The following CCDC171 variants were observed in gnomAD, a reference collection of about 807,000 sequenced individuals.
The protein encoded by CCDC171 is coiled-coil domain containing 171.
CCDC171 carries 177 observed loss-of-function variants against 168.2 expected under a neutral mutation model. That is an observed-to-expected ratio of 1.05 (90% CI 0.93 to 1.19). The LOEUF (loss-of-function observed/expected upper bound fraction) is 1.19, where lower values mean the gene tolerates loss of function less well. Ranked by LOEUF, CCDC171 falls within the 50% of genes most tolerant of loss-of-function variation. The probability of loss-of-function intolerance (pLI) is 0.00; values close to 1 mark genes in which losing one functional copy is unlikely to be tolerated. For missense variants in CCDC171, 1,991 were observed against 1,539.0 expected, an observed-to-expected ratio of 1.29 and a Z score of -4.91; for synonymous variants, 687 against 540.8, an observed-to-expected ratio of 1.27 and a Z score of -3.75.
intron 21 of CCDC171, among the ~76,000 whole-genome samples, chr9:15,800,367 A>G (rs1004136132): frequency 1.3e-5 from 2 of 152,118 alleles, no homozygotes; most frequent in African/African-American, 4.8e-5. Flanking sequence ...ATGATCAATG[A>G]TGTTGAGCAC....
At chr9:15,978,332 A>G (rs762349546), downstream of CCDC171, among the ~76,000 whole-genome samples, 2 of 152,038 alleles carry the variant, frequency 1.3e-5, no homozygotes, top group Non-Finnish European at 2.9e-5. Context: ...CTAATAACGA[A>G]TGGTGGCGGT....
At chr9:15,995,210 T>G (rs1222309563) in intron 3 of CCDC171, among the ~76,000 whole-genome samples, 1 of 152,168 alleles carries the variant, frequency 6.6e-6, no homozygotes, top group Admixed American at 6.5e-5. Context: ...GAAGTAACAT[T>G]TGGGGGAAAG....
the CCDC171 span, among the ~76,000 whole-genome samples, chr9:16,106,941 G>A: frequency 8.7e-4 from 132 of 152,144 alleles, no homozygotes; most frequent in African/African-American, 1.9e-3. Flanking sequence ...CTGCAAAACC[G>A]GGGGACCCAG....
rs368607597 is a variant in CCDC171 at position 15,848,955 on chromosome 9, T to A, written c.3468+8T>A. The A allele has an allele frequency of 6.1e-6, 9 of 1,472,328 alleles. No homozygotes were observed. The highest frequency in any genetic ancestry group is 8.3e-6 in the Non-Finnish European group (9 of 1,080,324). 91.2% of individuals were successfully genotyped at this position (1,472,328 alleles called of 1,614,324 possible). A position where few individuals can be genotyped will look rare whatever the true frequency, so the allele number is the denominator to read the frequency against. On this transcript the variant is annotated splice_region_variant and intron_variant, in intron 23 of 25. Coordinates refer to ENST00000380701, the MANE Select transcript of CCDC171 (RefSeq NM_173550.4). The stretch of plus-strand genomic sequence containing the variant: ...GAAAATACGCTTCACAAGGTACTGT[T>A]ATTTTTCTTTAATATTGTTCAATTT...
chr9:15,615,381 T>C (rs1201083823), intron 6 of CCDC171, among the ~76,000 whole-genome samples: 1 of 152,176 alleles, frequency 6.6e-6, no homozygotes, highest in African/African-American at 2.4e-5. Context: ...TGTGTTTGTA[T>C]GTGTCTATAT....
intron 25 of CCDC171, among the ~76,000 whole-genome samples, chr9:15,959,621 A>T (rs1035519981): frequency 2.0e-5 from 3 of 152,176 alleles, no homozygotes; most frequent in Non-Finnish European, 4.4e-5. Flanking sequence ...CGCAGACTGC[A>T]TTTCAAACAA....
chr9:16,001,246 T>G (rs1348251508), intron 3 of CCDC171, among the ~76,000 whole-genome samples: 1 of 152,126 alleles, frequency 6.6e-6, no homozygotes, highest in Non-Finnish European at 1.5e-5. Context: ...TTTCATGCCC[T>G]TCTGAAAAAA....
At chr9:15,924,806 A>G (rs1825717720) in intron 25 of CCDC171, among the ~76,000 whole-genome samples, 1 of 151,536 alleles carries the variant, frequency 6.6e-6, no homozygotes, top group South Asian at 2.1e-4. Context: ...AAAGTCACCA[A>G]TAATTTTATG....
At chr9:16,008,275 A>G (rs1335682186) in intron 3 of CCDC171, among the ~76,000 whole-genome samples, 1 of 152,116 alleles carries the variant, frequency 6.6e-6, no homozygotes, top group African/African-American at 2.4e-5. Flanking sequence ...TAAGAGTTCA[A>G]TTTCAATCTT....
At chr9:15,645,052 G>C (rs551019798) in intron 7 of CCDC171, among the ~76,000 whole-genome samples, 1 of 152,350 alleles carries the variant, frequency 6.6e-6, no homozygotes, top group South Asian at 2.1e-4. Flanking sequence ...AGCTTCCAGA[G>C]GAACGATCAG....
chr9:16,093,433 C>G, the CCDC171 span, among the ~76,000 whole-genome samples: 3 of 152,186 alleles, frequency 2.0e-5, no homozygotes, highest in African/African-American at 4.8e-5. Flanking sequence ...CTATCTGATT[C>G]ATTTAATACA....
At chr9:15,617,146 G>A (rs2044141784) in intron 6 of CCDC171, among the ~76,000 whole-genome samples, 2 of 152,154 alleles carry the variant, frequency 1.3e-5, no homozygotes, top group Non-Finnish European at 2.9e-5. Context: ...TGCTCCTTTA[G>A]CTCAGAGGAG....
At chr9:15,814,977 T>A (rs1447947450) in intron 21 of CCDC171, among the ~76,000 whole-genome samples, 2 of 152,188 alleles carry the variant, frequency 1.3e-5, no homozygotes, top group African/African-American at 4.8e-5. Context: ...ATTCTGTGAA[T>A]TGGTCAAGTC....
intron 3 of CCDC171, among the ~76,000 whole-genome samples, chr9:16,019,847 A>G (rs1373677581): frequency 6.6e-6 from 1 of 152,220 alleles, no homozygotes; most frequent in Non-Finnish European, 1.5e-5. Flanking sequence ...GGGAAAGTTG[A>G]TGTCACTGAT....
rs534852588 is a variant in CCDC171, at chr9:15,630,490, T to C, written c.822+7077T>C. On this transcript the variant is annotated intron_variant, in intron 7 of 25. Coordinates refer to ENST00000380701, the MANE Select transcript of CCDC171 (RefSeq NM_173550.4). ...AGAAGAGCTAACTATCCTAAATATATGTGCACCCAATACAGGAGCACGAAG... is the reference window on the plus strand; with the variant it reads ...AGAAGAGCTAACTATCCTAAATATACGTGCACCCAATACAGGAGCACGAAG... Among the ~76,000 whole-genome samples the C allele has an allele frequency of 4.7e-4, 72 of 152,222 alleles. 2 individuals carry two copies. In the East Asian group the frequency reaches 0.013, roughly 27 times the overall value.
chr9:15,561,883 C>A (rs935105565), intron 1 of CCDC171, among the ~76,000 whole-genome samples: 21 of 152,024 alleles, frequency 1.4e-4, no homozygotes, highest in Non-Finnish European at 7.4e-5. Context: ...TGTGGAAACC[C>A]ATTTTCCTTC....
chr9:16,101,509 A>T, the CCDC171 span, among the ~76,000 whole-genome samples: 2 of 152,266 alleles, frequency 1.3e-5, no homozygotes, highest in African/African-American at 4.8e-5. Flanking sequence ...ATGTTACACT[A>T]CATGGCAAAA....
At chr9:15,938,866 A>C (rs1189656908) in intron 25 of CCDC171, among the ~76,000 whole-genome samples, 1 of 151,848 alleles carries the variant, frequency 6.6e-6, no homozygotes, top group Non-Finnish European at 1.5e-5. Flanking sequence ...ATTAGTTCTA[A>C]CTAAAAATAT....
At chr9:15,762,285 A>G (rs756027230) in intron 18 of CCDC171, among the ~76,000 whole-genome samples, 1 of 151,998 alleles carries the variant, frequency 6.6e-6, no homozygotes, top group Admixed American at 6.6e-5. Context: ...CTAAAATATT[A>G]CAGATATATT....
Sources: allele counts gnomAD v4.1 joint callset (sites outside exome capture counted in the v4.1 genomes callset), GRCh38; gene constraint gnomAD v4.1.1; transcripts MANE v1.5; gene names NCBI Gene and HGNC (gene_info 2026-07-23, HGNC 2026-07-21).